Variants in RBFOX1 observed in about 807,000 individuals in gnomAD.
RBFOX1 encodes RNA binding protein fox-1 homolog 1.
A neutral mutation model predicts 57.7 loss-of-function variants in RBFOX1; 8 were observed. That is an observed-to-expected ratio of 0.14 (90% CI 0.08 to 0.25). The LOEUF (loss-of-function observed/expected upper bound fraction) is 0.25. RBFOX1 is among the 10% of genes least tolerant of loss of function. RBFOX1 has a pLI of 1.00. For missense variants in RBFOX1, 611 were observed against 548.5 expected (o/e 1.11, Z -1.14); for synonymous variants, 326 against 222.4 (o/e 1.47, Z -4.15).
chr16:7,502,998 G>T (rs2071499583), intron 4 of RBFOX1, among the ~76,000 whole-genome samples: 1 of 152,086 alleles, frequency 6.6e-6, no homozygotes. Context: ...ACTCCAGCCT[G>T]GGTGACAGAG....
chr16:6,687,974 C>G (rs528457583), intron 3 of RBFOX1, among the ~76,000 whole-genome samples: 1 of 152,324 alleles, frequency 6.6e-6, no homozygotes, highest in South Asian at 2.1e-4. Flanking sequence ...CACATGCTAA[C>G]AAAACCACTC....
rs1247055407 is a variant in RBFOX1, at chr16:5,685,347, C to T, written c.318+86386C>T. Among the ~76,000 whole-genome samples, 3 of 152,268 alleles carry T rather than the reference C, an allele frequency of 2.0e-5. No individual in the cohort carries two copies. In the East Asian group the frequency reaches 5.8e-4, roughly 29 times the overall value. On this transcript the variant is annotated intron_variant, in intron 3 of 19. Transcript: ENST00000641259. The stretch of plus-strand genomic sequence containing the variant: ...ATAAATAGTTAGCCTCCAAGTAAGT[C>T]ATTTGTCATGGAGGGGCTCTTATGA...
intron 2 of RBFOX1, among the ~76,000 whole-genome samples, chr16:6,342,221 T>G (rs1026853931): frequency 3.3e-5 from 5 of 152,122 alleles, no homozygotes; most frequent in Non-Finnish European, 4.4e-5. Context: ...TAAGGGATTA[T>G]CAGTTGGGAA....
At chr16:7,363,457 C>G (rs2097369572) in intron 4 of RBFOX1, among the ~76,000 whole-genome samples, 1 of 151,680 alleles carries the variant, frequency 6.6e-6, no homozygotes, top group Non-Finnish European at 1.5e-5. Context: ...GAGCCAGATT[C>G]AATCCTTCCT....
At chr16:6,226,582 A>G (rs1287187397) in intron 1 of RBFOX1, among the ~76,000 whole-genome samples, 1 of 152,092 alleles carries the variant, frequency 6.6e-6, no homozygotes, top group Non-Finnish European at 1.5e-5. Context: ...TTGATATATT[A>G]TGGATAGTGA....
At position 5,800,228 on chromosome 16, in the gene RBFOX1, C is replaced by A. The variant is rs563125701; in HGVS notation, c.319-67075C>A. ...ATACACCCAAGGGCCACAGGTGATG[C>A]TCTGGCATGTCCAGTCCAATGGTGT... On this transcript the variant is annotated intron_variant, in intron 3 of 19. Transcript: ENST00000641259. Among the ~76,000 whole-genome samples the A allele has an allele frequency of 2.3e-4, 35 of 152,256 alleles. 1 individual carries two copies. In the South Asian group the frequency reaches 7.1e-3, roughly 31 times the overall value.
At chr16:5,986,850 G>T (rs2109029) in intron 4 of RBFOX1, among the ~76,000 whole-genome samples, 1 of 151,978 alleles carries the variant, frequency 6.6e-6, no homozygotes, top group East Asian at 1.9e-4. Flanking sequence ...ACAGGGTGTT[G>T]TGTGAATATA....
intron 1 of RBFOX1, among the ~76,000 whole-genome samples, chr16:5,291,466 T>C (rs1001871104): frequency 6.6e-6 from 1 of 152,108 alleles, no homozygotes; most frequent in African/African-American, 2.4e-5. Flanking sequence ...GGTTTCACCC[T>C]GTTAGCGAGA....
At chr16:6,520,547 A>G (rs2096478295) in intron 2 of RBFOX1, among the ~76,000 whole-genome samples, 1 of 146,092 alleles carries the variant, frequency 6.8e-6, no homozygotes, top group African/African-American at 2.8e-5. Flanking sequence ...ATTTGTTTAT[A>G]AGCAAAAAAA....
intron 3 of RBFOX1, among the ~76,000 whole-genome samples, chr16:6,741,091 C>T (rs1046401859): frequency 1.3e-5 from 2 of 152,054 alleles, no homozygotes; most frequent in Non-Finnish European, 2.9e-5. Context: ...CTGATTTTTG[C>T]CAGTAATGCA....
intron 4 of RBFOX1, among the ~76,000 whole-genome samples, chr16:7,469,325 G>C (rs1658431558): frequency 6.6e-6 from 1 of 151,958 alleles, no homozygotes; most frequent in Non-Finnish European, 1.5e-5. Context: ...GCCTCCCAAA[G>C]TGCTGGGATT....
At chr16:6,949,715 T>C (rs1033207177) in intron 3 of RBFOX1, among the ~76,000 whole-genome samples, 3 of 152,120 alleles carry the variant, frequency 2.0e-5, no homozygotes, top group Non-Finnish European at 2.9e-5. Flanking sequence ...CCTCCACATA[T>C]AGTCACGTTA....
At chr16:6,353,586 T>A (rs1488224376) in intron 2 of RBFOX1, among the ~76,000 whole-genome samples, 1 of 152,094 alleles carries the variant, frequency 6.6e-6, no homozygotes, top group South Asian at 2.1e-4. Flanking sequence ...TAAGCCCAAA[T>A]GCATTGCTTG....
intron 1 of RBFOX1, among the ~76,000 whole-genome samples, chr16:6,082,484 G>A (rs1258447886): frequency 6.7e-6 from 1 of 148,278 alleles, no homozygotes; most frequent in Non-Finnish European, 1.5e-5. Context: ...TGCATTTTAG[G>A]CACTATGCTT....
chr16:6,040,059 A>C (rs752253228), intron 1 of RBFOX1, among the ~76,000 whole-genome samples: 1 of 152,240 alleles, frequency 6.6e-6, no homozygotes, highest in Admixed American at 6.5e-5. Context: ...AGCTTCTCCT[A>C]TTAACATCTG....
intron 2 of RBFOX1, chr16:6,483,856 G>A (rs1440717217): frequency 1.7e-6 from 2 of 1,200,204 alleles, no homozygotes; most frequent in African/African-American, 3.1e-5. Context: ...TGGAATCCGG[G>A]AAACCCAAAC....
At chr16:6,984,500 C>T (rs1359508433) in intron 3 of RBFOX1, among the ~76,000 whole-genome samples, 1 of 152,090 alleles carries the variant, frequency 6.6e-6, no homozygotes, top group Non-Finnish European at 1.5e-5. Context: ...TACTTGCAGC[C>T]TAAAGTCTCC....
chr16:6,620,417 T>C (rs1172709232), intron 2 of RBFOX1, among the ~76,000 whole-genome samples: 2 of 151,988 alleles, frequency 1.3e-5, no homozygotes, highest in African/African-American at 4.8e-5. Context: ...GGTAACAAGT[T>C]AACAACACAA....
chr16:6,411,530 A>T (rs2093458502), intron 2 of RBFOX1, among the ~76,000 whole-genome samples: 1 of 152,236 alleles, frequency 6.6e-6, no homozygotes, highest in South Asian at 2.1e-4. Flanking sequence ...ATGTCCTATT[A>T]GCTACATGCA....
Sources: allele counts gnomAD v4.1 joint callset (sites outside exome capture counted in the v4.1 genomes callset), GRCh38; gene constraint gnomAD v4.1.1; transcripts MANE v1.5; gene names NCBI Gene and HGNC (gene_info 2026-07-23, HGNC 2026-07-21).